Variants in MET observed in about 807,000 individuals in gnomAD.
MET encodes MET proto-oncogene, receptor tyrosine kinase, also known as hepatocyte growth factor receptor.
In MET, 48 loss-of-function variants were observed where a neutral mutation model predicts 133.1. The observed-to-expected ratio is 0.36, with a 90% CI of 0.29 to 0.46. MET has a LOEUF of 0.46. Ranked by LOEUF, MET falls within the 20% of genes least tolerant of loss-of-function variation. The pLI is 1.00. For missense variants in MET, 1,442 were observed against 1,695.9 expected (o/e 0.85, Z 2.63); for synonymous variants, 628 against 616.5 (o/e 1.02, Z -0.28).
chr7:116,707,616 G>A (rs550398988), intron 2 of MET, among the ~76,000 whole-genome samples: 14 of 152,172 alleles, frequency 9.2e-5, no homozygotes, highest in East Asian at 3.9e-4. Context: ...TAAAATGTCC[G>A]ATTAACACTT....
Position 116,680,128 on chromosome 7 carries a change from A to G in MET, c.-15+7551A>G, listed in dbSNP as rs572038412. On this transcript the variant is annotated intron_variant, in intron 1 of 20. Coordinates refer to ENST00000397752, the MANE Select transcript of MET (RefSeq NM_000245.4). Reference sequence around the variant, plus strand: ...AATTGTGTTAATAGGGTCTTAAAATAGAGATTCTCTTAGGTTAACCTGAAG... The same window carrying G: ...AATTGTGTTAATAGGGTCTTAAAATGGAGATTCTCTTAGGTTAACCTGAAG... Among the ~76,000 whole-genome samples the G allele has an allele frequency of 3.0e-4, 46 of 152,288 alleles. 2 individuals carry two copies. The South Asian group carries it at 9.5e-3, about 32-fold the overall frequency.
At chr7:116,716,485 G>GAAAGA (rs1344108273) in intron 2 of MET, among the ~76,000 whole-genome samples, 1 of 135,808 alleles carries the variant, frequency 7.4e-6, no homozygotes, top group African/African-American at 2.8e-5. Flanking sequence ...AAGAAAGAAA[G>GAAAGA]AAAGAAAGAA....
intron 2 of MET, among the ~76,000 whole-genome samples, chr7:116,727,415 A>G (rs1043013675): frequency 6.6e-6 from 1 of 152,196 alleles, no homozygotes; most frequent in African/African-American, 2.4e-5. Flanking sequence ...CTTATTATAC[A>G]TGAAAATACC....
At chr7:116,737,004 G>A (rs1793241136) in intron 3 of MET, among the ~76,000 whole-genome samples, 1 of 152,122 alleles carries the variant, frequency 6.6e-6, no homozygotes, top group African/African-American at 2.4e-5. Flanking sequence ...TAGAATCCTA[G>A]CAATAAGAGA....
intron 2 of MET, among the ~76,000 whole-genome samples, chr7:116,722,842 A>G (rs373721078): frequency 2.0e-4 from 30 of 151,706 alleles, no homozygotes; most frequent in East Asian, 7.7e-4. Context: ...GGTTTCTGCC[A>G]AGAGATCCGC....
intron 2 of MET, among the ~76,000 whole-genome samples, chr7:116,716,284 GGAGA>G (rs564115135): frequency 0.13 from 4,839 of 37,940 alleles, 301 homozygotes; most frequent in Middle Eastern, 0.17. Context: ...AGGGAGAGAG[GGAGA>G]GAGAGAGAGA....
intron 1 of MET, among the ~76,000 whole-genome samples, chr7:116,684,906 G>A (rs991988641): frequency 1.3e-5 from 2 of 152,176 alleles, no homozygotes; most frequent in Non-Finnish European, 2.9e-5. Flanking sequence ...AGAATGGAGA[G>A]GGAAGACCAG....
Position 116,754,773 on chromosome 7 carries a change from C to T in MET, c.1702-582C>T, listed in dbSNP as rs189879523. Among the ~76,000 whole-genome samples the T allele has an allele frequency of 1.9e-3, 281 of 150,260 alleles. 1 individual carries two copies. The highest frequency in any genetic ancestry group is 0.014 in the Middle Eastern group (4 of 292). On this transcript the variant is annotated intron_variant, in intron 5 of 20. Coordinates refer to ENST00000397752, the MANE Select transcript of MET (RefSeq NM_000245.4). ...TTGAGGCTGCAGTGAGCCATGATCA[C>T]GCCACTGCACTCCAGCCTGAACAAC...
intron 2 of MET, among the ~76,000 whole-genome samples, chr7:116,729,883 T>C (rs2116768498): frequency 6.6e-6 from 1 of 152,358 alleles, no homozygotes. Flanking sequence ...ATTCATTCAA[T>C]TAATATTTAC....
At position 116,697,448 on chromosome 7, in the gene MET, T is replaced by C. The variant is rs556402208; in HGVS notation, c.-14-1623T>C. The stretch of plus-strand genomic sequence containing the variant: ...GAGTAAAACCTTCATTGTATGACGG[T>C]CTAGCTCAAAATTCCTTAATGATTA... On this transcript the variant is annotated intron_variant, in intron 1 of 20. Transcript: ENST00000397752. Among the ~76,000 whole-genome samples, 6 of 152,282 alleles carry C rather than the reference T, an allele frequency of 3.9e-5. No individual in the cohort carries two copies. In the East Asian group the frequency reaches 5.8e-4, roughly 15 times the overall value.
At chr7:116,756,718 A>G (rs1032789767) in intron 6 of MET, among the ~76,000 whole-genome samples, 6 of 152,216 alleles carry the variant, frequency 3.9e-5, no homozygotes, top group Non-Finnish European at 7.3e-5. Context: ...AAGTATAACC[A>G]CAGAAATGTA....
At chr7:116,757,347 CATTT>C in intron 6 of MET, 86 bp from the exon 7 acceptor site, 2 of 1,028,912 alleles carry the variant, frequency 1.9e-6, no homozygotes, top group Non-Finnish European at 3.0e-6. Flanking sequence ...GTCAGCTCAC[CATTT>C]AGAGTTAATG....
At position 116,757,760 on chromosome 7, in the gene MET, A is replaced by C. The variant is rs201378674; in HGVS notation, c.2088A>C (p.Thr696=). The C allele has an allele frequency of 6.2e-7, 1 of 1,613,818 alleles. No homozygotes were observed. The highest frequency in any genetic ancestry group is 8.5e-7 in the Non-Finnish European group (1 of 1,179,886). Residue 696 remains threonine (T), a synonymous_variant, in exon 8 of 21, where the codon ACA becomes ACC. Transcript: ENST00000397752. ...GACACATTTCAATTGGTGGAAAAAC[A>C]TGTACTTTAAAAAGGTGTTGTAAAT... ...NSRHISIGGK[T]CTLKSVSNSI...
chr7:116,708,936 A>C (rs533927960), intron 2 of MET, among the ~76,000 whole-genome samples: 1 of 152,328 alleles, frequency 6.6e-6, no homozygotes, highest in East Asian at 1.9e-4. Flanking sequence ...AAACATTAAT[A>C]GAATTCAAGG....
At chr7:116,755,675 A>G (rs1025862032) in intron 6 of MET, among the ~76,000 whole-genome samples, 160 bp downstream of exon 6, 1 of 152,154 alleles carries the variant, frequency 6.6e-6, no homozygotes, top group African/African-American at 2.4e-5. Flanking sequence ...TGTTCTTGTA[A>G]TCCCATTTAC....
At chr7:116,711,672 A>T (rs1235023827) in intron 2 of MET, among the ~76,000 whole-genome samples, 1 of 152,084 alleles carries the variant, frequency 6.6e-6, no homozygotes, top group Non-Finnish European at 1.5e-5. Flanking sequence ...CAATAAGATA[A>T]AACTAGACCT....
chr7:116,698,721 C>T (rs548704094), intron 1 of MET, among the ~76,000 whole-genome samples: 5 of 152,288 alleles, frequency 3.3e-5, no homozygotes, highest in East Asian at 3.9e-4. Flanking sequence ...TATTAAACCA[C>T]GTTAAACAAC....
At chr7:116,679,208 G>A (rs192480608) in intron 1 of MET, among the ~76,000 whole-genome samples, 1 of 152,250 alleles carries the variant, frequency 6.6e-6, no homozygotes, top group East Asian at 1.9e-4. Context: ...TTTGTAGAGT[G>A]TTGAATGACT....
At chr7:116,758,190 T>C (rs1361892520) in intron 8 of MET, among the ~76,000 whole-genome samples, 2 of 152,074 alleles carry the variant, frequency 1.3e-5, no homozygotes, top group African/African-American at 4.8e-5. Flanking sequence ...CTTCTTAGAG[T>C]TGGAAGAGCT....
Sources: gnomAD v4.1 joint callset for allele counts (sites outside exome capture counted in the v4.1 genomes callset) on GRCh38, gnomAD v4.1.1 for gene constraint, MANE v1.5 for transcripts, NCBI Gene and HGNC (gene_info 2026-07-23, HGNC 2026-07-21) for gene names.